WAC: variants seen among roughly 807,000 people sequenced by gnomAD.
WAC encodes the protein WW domain containing adaptor with coiled-coil, also known as WW domain-containing adapter protein with coiled-coil.
WAC carries 11 observed loss-of-function variants against 79.6 expected under a neutral mutation model. The observed-to-expected ratio is 0.14, with a 90% CI of 0.09 to 0.23. WAC has a LOEUF of 0.23. WAC is among the 10% of genes least tolerant of loss of function. WAC has a pLI of 1.00. For synonymous variants in WAC, 304 were observed against 276.9 expected (o/e 1.10, Z -0.97); for missense variants, 728 against 773.5 (o/e 0.94, Z 0.70).
In WAC at chr10:28,616,301, A is replaced by T; in HGVS notation, c.1685A>T (p.His562Leu). 6.2e-7 allele frequency: 1 copy of T among 1,613,852 alleles called. No individual in the cohort carries two copies. The highest frequency in any genetic ancestry group is 1.7e-5 in the Admixed American group (1 of 59,924). The change falls in exon 12 of 14, where the codon CAC becomes CTC. Residue 562 changes from histidine (H) to leucine (L), a missense_variant. Transcript: ENST00000354911. Reference sequence around the variant, plus strand: ...TCATTAACGCCTGCACTAGCAGCACACTTCAGTGAAAATCTCATAAAACAC... The same window carrying T: ...TCATTAACGCCTGCACTAGCAGCACTCTTCAGTGAAAATCTCATAAAACAC... ...TCSLTPALAA[H>L]FSENLIKHVQ...
At chr10:28,611,033 C>G (rs1430351584) in intron 9 of WAC, 1 of 606,204 alleles carries the variant, frequency 1.6e-6, no homozygotes, top group Non-Finnish European at 2.7e-6. Flanking sequence ...TGACATTTGT[C>G]TTAAGGTATT....
intron 3 of WAC, among the ~76,000 whole-genome samples, chr10:28,539,633 G>A (rs934169540): frequency 2.6e-5 from 4 of 151,452 alleles, no homozygotes; most frequent in Admixed American, 1.3e-4. Context: ...ATCCTGGCTC[G>A]CTGTAACCTC....
intron 10 of WAC, 42 bp downstream of exon 10, chr10:28,611,964 C>G (rs754723847): frequency 6.3e-7 from 1 of 1,597,934 alleles, no homozygotes; most frequent in East Asian, 2.2e-5. Context: ...AAACTACTTA[C>G]TTTTGGAAAG....
intron 10 of WAC, among the ~76,000 whole-genome samples, chr10:28,614,344 C>T (rs1462309161): frequency 3.3e-5 from 5 of 152,274 alleles, no homozygotes; most frequent in Non-Finnish European, 7.4e-5. Context: ...CCGCCCGCCT[C>T]GGCCTCCCAA....
intron 3 of WAC, among the ~76,000 whole-genome samples, chr10:28,548,295 T>C (rs1396609370): frequency 6.6e-6 from 1 of 152,136 alleles, no homozygotes; most frequent in East Asian, 1.9e-4. Flanking sequence ...ACCCTATCCG[T>C]TAGAGAGTCA....
Position 28,614,554 on chromosome 10 carries a change from T to G in WAC, c.1438-13T>G, listed in dbSNP as rs1469126532. The G allele has an allele frequency of 1.2e-6, 2 of 1,607,984 alleles. No individual in the cohort carries two copies. The highest frequency in any genetic ancestry group is 1.3e-5 in the African/African-American group (1 of 74,742). ...AGATTTGGAGACCATCTCACCAGAT[T>G]TTGACATTTCAGGTTAGTACTCCAG... On this transcript the variant is annotated splice_polypyrimidine_tract_variant and intron_variant, in intron 10 of 13. Transcript: ENST00000354911.
At chr10:28,605,651 A>AT (rs1469982333) in intron 7 of WAC, among the ~76,000 whole-genome samples, 2 of 152,080 alleles carry the variant, frequency 1.3e-5, no homozygotes, top group Non-Finnish European at 2.9e-5. Flanking sequence ...GTTAATGATG[A>AT]TGTGTATTTT....
chr10:28,592,583 T>C (rs377033904), intron 6 of WAC, among the ~76,000 whole-genome samples: 17 of 151,992 alleles, frequency 1.1e-4, no homozygotes, highest in Admixed American at 8.5e-4. Flanking sequence ...ATTGCACCAC[T>C]GTACTCCAGC....
intron 3 of WAC, among the ~76,000 whole-genome samples, chr10:28,559,054 A>G (rs1838154409): frequency 6.6e-6 from 1 of 152,054 alleles, no homozygotes; most frequent in African/African-American, 2.4e-5. Flanking sequence ...TAGTACGTAA[A>G]TATATCAGGC....
In WAC at chr10:28,608,252, G is replaced by C. The variant is rs746463051; in HGVS notation, c.986G>C (p.Gly329Ala). The change falls in exon 8 of 14, where the codon GGA (glycine) becomes GCA (alanine). Residue 329 changes from glycine (G) to alanine (A), a missense_variant. Physicochemically the swap from Gly to Ala is moderately conservative, Grantham distance 60 (BLOSUM62 0). Transcript: ENST00000354911. ...CTTPSTSSAS[G>A]LNPTSAPPTS... ...ACTCCTTCCACGTCTTCTGCCTCTGGACTGAACCCCACATCTGCACCTCCA... is the reference window on the plus strand; with the variant it reads ...ACTCCTTCCACGTCTTCTGCCTCTGCACTGAACCCCACATCTGCACCTCCA... The C allele has an allele frequency of 1.4e-5, 23 of 1,613,954 alleles. No individual in the cohort carries two copies. Among genetic ancestry groups the C allele is most frequent in the Non-Finnish European group, 1.8e-5 (21 of 1,180,030 alleles).
chr10:28,598,260 T>C (rs1840477675), intron 7 of WAC, among the ~76,000 whole-genome samples: 1 of 152,214 alleles, frequency 6.6e-6, no homozygotes, highest in Admixed American at 6.5e-5. Context: ...GCAGTCTGTT[T>C]TACTAGCTTG....
rs1187362453 is a variant in WAC at position 28,622,135 on chromosome 10, C to T, written c.*2529C>T. 2.0e-5 allele frequency: 3 copies of T among 152,224 alleles called. No homozygotes were observed. The highest frequency in any genetic ancestry group is 7.2e-5 in the African/African-American group (3 of 41,440). 9.4% of individuals were successfully genotyped at this position (152,224 alleles called of 1,614,324 possible). ...CAGGTGATCTGCCTGCCTTGGCCTC[C>T]CAAAGTGCTGGGATTACAGGCGTGA... On this transcript the variant is annotated 3_prime_UTR_variant, in exon 14 of 14. Transcript: ENST00000354911.
intron 1 of WAC, 138 bp from the exon 2 acceptor site, chr10:28,533,860 C>G: frequency 3.5e-6 from 4 of 1,144,798 alleles, no homozygotes; most frequent in Non-Finnish European, 5.0e-6. Flanking sequence ...GGGTTTGTGC[C>G]GTGTGCGTGC....
intron 7 of WAC, among the ~76,000 whole-genome samples, chr10:28,607,424 G>T (rs962742968): frequency 1.4e-4 from 21 of 152,090 alleles, no homozygotes; most frequent in African/African-American, 5.1e-4. Flanking sequence ...TTGGGGCTTT[G>T]ATTACAGTTA....
At chr10:28,557,103 A>G (rs1169424689) in intron 3 of WAC, among the ~76,000 whole-genome samples, 2 of 150,732 alleles carry the variant, frequency 1.3e-5, no homozygotes, top group Admixed American at 6.6e-5. Context: ...TGGAATTTTG[A>G]TAGGTATAAG....
In WAC at chr10:28,533,536, C is replaced by T. The variant is rs1406269627; in HGVS notation, c.-44C>T. 6.3e-6 allele frequency: 8 copies of T among 1,264,266 alleles called. No homozygotes were observed. Among genetic ancestry groups the T allele is most frequent in the African/African-American group, 4.7e-5 (3 of 63,998 alleles). 78.3% of individuals were successfully genotyped at this position (1,264,266 alleles called of 1,614,324 possible). A position where few individuals can be genotyped will look rare whatever the true frequency, so the allele number is the denominator to read the frequency against. ...CTGCGCGCCCGCCCGCCTTTCGCGGCCGCTCTCCCCCCTCCCCGACACACA... is the reference window on the plus strand; with the variant it reads ...CTGCGCGCCCGCCCGCCTTTCGCGGTCGCTCTCCCCCCTCCCCGACACACA... On this transcript the variant is annotated 5_prime_UTR_variant, in exon 1 of 14. Coordinates refer to ENST00000354911, the MANE Select transcript of WAC (RefSeq NM_016628.5).
intron 5 of WAC, 111 bp downstream of exon 5, chr10:28,589,962 A>C: frequency 2.7e-6 from 2 of 745,554 alleles, no homozygotes; most frequent in Non-Finnish European, 2.2e-6. Flanking sequence ...CTGCCCATCT[A>C]CACTTTTTAG....
rs555865428 is a variant in WAC at position 28,592,947 on chromosome 10, C to A, written c.610+2115C>A. On this transcript the variant is annotated intron_variant, in intron 6 of 13. Transcript: ENST00000354911. ...TTGTTATATTGATTGCGTAGGTATA[C>A]CTTCATTGACAAATAATCCCCTATC... Among the ~76,000 whole-genome samples, 24 of 152,212 alleles carry A rather than the reference C, an allele frequency of 1.6e-4. No individual in the cohort carries two copies. In the South Asian group the frequency reaches 4.6e-3, roughly 29 times the overall value.
intron 8 of WAC, among the ~76,000 whole-genome samples, chr10:28,609,252 A>G (rs1238769568): frequency 6.6e-6 from 1 of 152,116 alleles, no homozygotes; most frequent in Non-Finnish European, 1.5e-5. Flanking sequence ...AATCCCAGCT[A>G]CTCGGGAGGC....
Sources: allele counts gnomAD v4.1 joint callset (sites outside exome capture counted in the v4.1 genomes callset), GRCh38; gene constraint gnomAD v4.1.1; transcripts MANE v1.5; gene names NCBI Gene and HGNC (gene_info 2026-07-23, HGNC 2026-07-21).